Variants in ZNF311 observed in about 807,000 individuals in gnomAD.
ZNF311 encodes the protein zinc finger protein 311, also known as zinc finger protein zfp31.
In ZNF311, 14 loss-of-function variants were observed where a neutral mutation model predicts 22.7. That is an observed-to-expected ratio of 0.62 (90% confidence interval 0.41 to 0.96). ZNF311 has a LOEUF of 0.96. Among genes scored for constraint, ZNF311 ranks in the 40% least tolerant of loss-of-function variants. The probability of loss-of-function intolerance (pLI) is 0.00; values close to 1 mark genes in which losing one functional copy is unlikely to be tolerated. For synonymous variants in ZNF311, 250 were observed against 275.3 expected (o/e 0.91, Z 0.91); for missense variants, 731 against 799.0 (o/e 0.91, Z 1.03).
rs1342353010 is a variant in ZNF311 at position 29,003,373 on chromosome 6, TAGAAACA to T, written c.91+133_91+139del. ...TCTAGATATTGATCCAAGCCTCGTA[TAGAAACA>T]AAATAAGACTTTCTATAAATGCTCA... On this transcript the variant is annotated intron_variant, in intron 3 of 6. Coordinates refer to ENST00000377179, the MANE Select transcript of ZNF311 (RefSeq NM_001382360.1). The T allele has an allele frequency of 2.4e-5, 17 of 716,992 alleles. No homozygotes were observed. In the Admixed American group the frequency reaches 4.3e-4, roughly 18 times the overall value. The allele number at this position is 716,992 out of a possible 1,614,324, so 44.4% of individuals were successfully genotyped here. A position where few individuals can be genotyped will look rare whatever the true frequency, so the allele number is the denominator to read the frequency against.
Position 28,996,429 on chromosome 6 carries a change from T to C in ZNF311, c.573A>G (p.Leu191=), listed in dbSNP as rs1363069057. ...TTATAGATGTTTCCCATTGATTCTC[T>C]AATTTGACATCCTGAACACAAACTT... ...VREVCVQDVK[L]ENQWETSIRE... is the part of the protein sequence containing the mutation. Residue 191 remains leucine, a synonymous_variant, in exon 7 of 7, where the codon TTA becomes TTG. Transcript: ENST00000377179. The C allele has an allele frequency of 8.7e-6, 14 of 1,610,396 alleles. No individual in the cohort carries two copies. Among genetic ancestry groups the C allele is most frequent in the South Asian group, 2.2e-5 (2 of 91,088 alleles).
In ZNF311 at chr6:28,995,754, C is replaced by T. The variant is rs148777214; in HGVS notation, c.1248G>A (p.Glu416=). 1.2e-4 allele frequency: 200 copies of T among 1,613,760 alleles called. No individual in the cohort carries two copies. In the African/African-American group the frequency reaches 2.4e-3, roughly 19 times the overall value. Residue 416 remains glutamate (E), a synonymous_variant, in exon 7 of 7, where the codon GAG becomes GAA. Coordinates refer to ENST00000377179, the MANE Select transcript of ZNF311 (RefSeq NM_001382360.1). This position sits in a 1 kb window ranked among gnomAD's most constrained non-coding sequence, Gnocchi z 4.7. ...IRIHTGERPY[E]CSKCGRAFSR... is the part of the protein sequence containing the mutation. Reference sequence around the variant, plus strand: ...TGAAGGCCCTTCCACACTTGCTGCACTCATAAGGTCGTTCCCCAGTGTGGA... The same window carrying T: ...TGAAGGCCCTTCCACACTTGCTGCATTCATAAGGTCGTTCCCCAGTGTGGA...
Position 28,995,934 on chromosome 6 carries a change from C to A in ZNF311, c.1068G>T (p.Glu356Asp). Reference sequence around the variant, plus strand: ...CACAGCAGTTACATTTGTAAGGCTTCTCCCCGGTGTGGATAAGCTGATGCA... The same window carrying A: ...CACAGCAGTTACATTTGTAAGGCTTATCCCCGGTGTGGATAAGCTGATGCA... ...LCMHQLIHTG[E>D]KPYKCNCCGK... Residue 356 changes from glutamate to aspartate, a missense_variant, in exon 7 of 7, where the codon GAG becomes GAT. Coordinates refer to ENST00000377179, the MANE Select transcript of ZNF311 (RefSeq NM_001382360.1). The surrounding 1 kb of genome is among the most constrained non-coding windows in gnomAD (Gnocchi z 4.7). 6.2e-7 allele frequency: 1 copy of A among 1,613,880 alleles called. No homozygotes were observed. Among genetic ancestry groups the A allele is most frequent in the Non-Finnish European group, 8.5e-7 (1 of 1,180,024 alleles).
At chr6:28,996,848 A>G (rs557441991) in intron 6 of ZNF311, among the ~76,000 whole-genome samples, 1 of 152,250 alleles carries the variant, frequency 6.6e-6, no homozygotes, top group Non-Finnish European at 1.5e-5. Flanking sequence ...ACACCTAGTC[A>G]TCTAAGCCAC....
rs560820004 is a variant in ZNF311 at position 28,995,021 on chromosome 6, T to C, written c.1981A>G (p.Ser661Gly). ...PVTVSQTSVV[S>G]ILTSA ...TATACTCAGGCACTGGTCAAAATACTGACTACTGAGGTCTGAGAAACAGTC... is the reference window on the plus strand; with the variant it reads ...TATACTCAGGCACTGGTCAAAATACCGACTACTGAGGTCTGAGAAACAGTC... Residue 661 changes from serine to glycine, a missense_variant, in exon 7 of 7, where the codon AGT (serine) becomes GGT (glycine). Coordinates refer to ENST00000377179, the MANE Select transcript of ZNF311 (RefSeq NM_001382360.1). The surrounding 1 kb of genome is among the most constrained non-coding windows in gnomAD (Gnocchi z 4.7). 3.7e-6 allele frequency: 6 copies of C among 1,608,670 alleles called. No individual in the cohort carries two copies. In the South Asian group the frequency reaches 6.6e-5, roughly 18 times the overall value.
At chr6:28,997,753 G>C (rs1289589205) in intron 6 of ZNF311, among the ~76,000 whole-genome samples, 1 of 152,178 alleles carries the variant, frequency 6.6e-6, no homozygotes, top group Non-Finnish European at 1.5e-5. Context: ...TCAAATCCTA[G>C]TATGACAGTT....
chr6:29,004,442 C>CTTTT (rs9280531), intron 1 of ZNF311, among the ~76,000 whole-genome samples: 13 of 30,596 alleles, frequency 4.2e-4, no homozygotes, highest in East Asian at 1.7e-3. Context: ...TTCCTCCTTT[C>CTTTT]TTTTTTTTTT....
At chr6:28,997,173 A>C (rs1262138959) in intron 6 of ZNF311, among the ~76,000 whole-genome samples, 1 of 152,222 alleles carries the variant, frequency 6.6e-6, no homozygotes, top group East Asian at 1.9e-4. Flanking sequence ...AGTCTTTAGC[A>C]CTTAAATTTG....
At chr6:29,002,866 C>A (rs1780638201) in intron 3 of ZNF311, among the ~76,000 whole-genome samples, 1 of 152,034 alleles carries the variant, frequency 6.6e-6, no homozygotes, top group Non-Finnish European at 1.5e-5. Flanking sequence ...AGTGATCCAC[C>A]CACTTAGGCC....
intron 1 of ZNF311, among the ~76,000 whole-genome samples, 179 bp from the exon 2 acceptor site, chr6:29,004,393 G>C (rs145740639): frequency 2.6e-5 from 4 of 151,664 alleles, no homozygotes; most frequent in Non-Finnish European, 5.9e-5. Context: ...CCATTACTGC[G>C]GTAGTCTTCT....
Position 29,003,977 on chromosome 6 carries a change from C to T in ZNF311, c.-23G>A. On this transcript the variant is annotated 5_prime_UTR_variant, in exon 2 of 7. Coordinates refer to ENST00000377179, the MANE Select transcript of ZNF311 (RefSeq NM_001382360.1). ...CATCTTTTTACTCAGGTTTCTTTAA[C>T]AGTCTTCCACTGCTGTCCTGGTTTC... 6.2e-7 allele frequency: 1 copy of T among 1,612,906 alleles called. No individual in the cohort carries two copies. The highest frequency in any genetic ancestry group is 8.5e-7 in the Non-Finnish European group (1 of 1,179,898).
At position 28,996,055 on chromosome 6, in the gene ZNF311, G is replaced by C. The variant is rs1292501637; in HGVS notation, c.947C>G (p.Ser316Ter). The stretch of plus-strand genomic sequence containing the variant: ...GGTTTTTTTATGTCGGCAAAGAGCT[G>C]ATCTACTGTTGAAAGCCTTCCCACA... ...TQCGKAFNSRSALCRHKKTHS... is the reference protein window; with the variant it reads ...TQCGKAFNSR The change falls in exon 7 of 7, where the codon TCA becomes TGA. Residue 316 changes from serine (S) to a stop codon, truncating the protein, a stop_gained. Transcript: ENST00000377179. LOFTEE classifies it low-confidence loss of function (END_TRUNC). 1 of 1,613,298 alleles carries C rather than the reference G, an allele frequency of 6.2e-7. No individual in the cohort carries two copies. The highest frequency in any genetic ancestry group is 1.1e-5 in the South Asian group (1 of 91,076).
rs1282572236 is a variant in ZNF311 at position 28,995,664 on chromosome 6, G to C, written c.1338C>G (p.Pro446=). Residue 446 remains proline, a synonymous_variant, in exon 7 of 7, where the codon CCC becomes CCG. Transcript: ENST00000377179. The surrounding 1 kb of genome is among the most constrained non-coding windows in gnomAD (Gnocchi z 4.7). ...IHTREKHYGC[P]QCGKDFSIKA... ...TGATGCTGAAGTCTTTTCCACACTGGGGACACCCATAGTGTTTCTCCCGAG... is the reference window on the plus strand; with the variant it reads ...TGATGCTGAAGTCTTTTCCACACTGCGGACACCCATAGTGTTTCTCCCGAG... 1.9e-6 allele frequency: 3 copies of C among 1,613,364 alleles called. No homozygotes were observed. The highest frequency in any genetic ancestry group is 2.5e-6 in the Non-Finnish European group (3 of 1,180,032).
Position 28,998,752 on chromosome 6 carries a change from GGGACTCCCT to G in ZNF311, c.388_396del (p.Arg130_Ser132del). On this transcript the variant is annotated inframe_deletion, in exon 6 of 7. Transcript: ENST00000377179. Reference sequence around the variant, plus strand: ...TACTCACCTGGGTAGGAGCAGCTTAGGGACTCCCTGTCCTGTGGATCCTGCACACAGGGG... The same window carrying G: ...TACTCACCTGGGTAGGAGCAGCTTAGGTCCTGTGGATCCTGCACACAGGGG... 6.2e-7 allele frequency: 1 copy of G among 1,612,226 alleles called. No homozygotes were observed. Among genetic ancestry groups the G allele is most frequent in the Non-Finnish European group, 8.5e-7 (1 of 1,179,514 alleles).
intron 4 of ZNF311, 119 bp downstream of exon 4, chr6:28,999,837 C>T: frequency 3.9e-6 from 5 of 1,287,618 alleles, no homozygotes; most frequent in South Asian, 1.3e-5. Flanking sequence ...CAAAATGTTC[C>T]TTATGAGAGG....
intron 6 of ZNF311, 53 bp from the exon 7 acceptor site, chr6:28,996,639 G>A: frequency 1.3e-6 from 2 of 1,523,360 alleles, no homozygotes; most frequent in Non-Finnish European, 1.7e-6. Context: ...GAGATGGGAG[G>A]CGTGAAGCAA....
chr6:28,995,883 G>C lies in ZNF311; in HGVS notation c.1119C>G (p.Ser373=). 6.2e-7 allele frequency: 1 copy of C among 1,613,868 alleles called. No homozygotes were observed. The highest frequency in any genetic ancestry group is 1.3e-5 in the African/African-American group (1 of 74,970). ...CCGKAFQFKH[S]LTIHGRIHTG... is the part of the protein sequence containing the mutation. Reference sequence around the variant, plus strand: ...TGTGGATTCTGCCATGGATGGTAAGGGAATGCTTAAACTGGAAGGCCTTCC... The same window carrying C: ...TGTGGATTCTGCCATGGATGGTAAGCGAATGCTTAAACTGGAAGGCCTTCC... Residue 373 remains serine (S), a synonymous_variant, in exon 7 of 7, where the codon TCC becomes TCG. Coordinates refer to ENST00000377179, the MANE Select transcript of ZNF311 (RefSeq NM_001382360.1). The surrounding 1 kb of genome is among the most constrained non-coding windows in gnomAD (Gnocchi z 4.7).
chr6:29,003,394 T>C, intron 3 of ZNF311, 119 bp downstream of exon 3: 1 of 833,496 alleles, frequency 1.2e-6, no homozygotes, highest in East Asian at 2.4e-5. Context: ...TAAGACTTTC[T>C]ATAAATGCTC....
intron 5 of ZNF311, 113 bp downstream of exon 5, chr6:28,999,374 A>C (rs1185028213): frequency 9.3e-7 from 1 of 1,079,382 alleles, no homozygotes; most frequent in African/African-American, 1.6e-5. Flanking sequence ...CAAGATCCTG[A>C]TGATAAAGAA....
Sources: gnomAD v4.1 joint callset for allele counts (sites outside exome capture counted in the v4.1 genomes callset) on GRCh38, gnomAD v4.1.1 for gene constraint, Gnocchi (gnomAD v3.1) non-coding constraint, MANE v1.5 for transcripts, NCBI Gene and HGNC (gene_info 2026-07-23, HGNC 2026-07-21) for gene names.